Variants in MST1R observed in about 807,000 individuals in gnomAD.
MST1R encodes macrophage stimulating 1 receptor.
MST1R carries 99 observed loss-of-function variants against 117.8 expected under a neutral mutation model. The ratio of observed to expected loss-of-function variants is 0.84; its 90% CI spans 0.71 to 0.99. The LOEUF is 0.99. Among genes scored for constraint, MST1R ranks in the 50% least tolerant of loss-of-function variants. MST1R has a pLI of 0.00. For synonymous variants in MST1R, 734 were observed against 765.3 expected (o/e 0.96, Z 0.68); for missense variants, 1,683 against 1,840.2 (o/e 0.91, Z 1.56).
Position 49,895,700 on chromosome 3 carries a change from G to C in MST1R, c.2962+15C>G, listed in dbSNP as rs1435893825. 1 of 1,612,082 alleles carries C rather than the reference G, an allele frequency of 6.2e-7. No homozygotes were observed. The highest frequency in any genetic ancestry group is 1.1e-5 in the South Asian group (1 of 91,052). ...GGGGGTAGGGGCTGATTAAAGGTAG[G>C]AGCAGAGAACTCACCTAGCTGCTTC... On this transcript the variant is annotated intron_variant, in intron 12 of 19. Transcript: ENST00000296474.
intron 19 of MST1R, 32 bp downstream of exon 19, chr3:49,889,892 T>C (rs1341080280): frequency 6.2e-7 from 1 of 1,613,188 alleles, no homozygotes; most frequent in African/African-American, 1.3e-5. Context: ...TGGGGCCCAG[T>C]TCCCTCCCCA....
rs1387488096 is a variant in MST1R, at chr3:49,896,728, C to T, written c.2345+1G>A. Reference sequence around the variant, plus strand: ...AGAGTGGGCAAAGAGGCAGTGCTTACATGTAGCCACAGTTGGGGCTGATGC... The same window carrying T: ...AGAGTGGGCAAAGAGGCAGTGCTTATATGTAGCCACAGTTGGGGCTGATGC... On this transcript the variant is annotated splice_donor_variant, in intron 8 of 19. Coordinates refer to ENST00000296474, the MANE Select transcript of MST1R (RefSeq NM_002447.4). LOFTEE classifies it high-confidence loss of function. 6.3e-7 allele frequency: 1 copy of T among 1,597,126 alleles called. No individual in the cohort carries two copies. The highest frequency in any genetic ancestry group is 1.7e-5 in the Admixed American group (1 of 57,654).
chr3:49,894,466 C>G (rs1279398911), intron 14 of MST1R, among the ~76,000 whole-genome samples: 1 of 151,516 alleles, frequency 6.6e-6, no homozygotes, highest in African/African-American at 2.4e-5. Context: ...ACTCAGGAGG[C>G]TGAGGCAGGA....
At position 49,887,103 on chromosome 3, in the gene MST1R, G is replaced by T; in HGVS notation, c.*204C>A. On this transcript the variant is annotated 3_prime_UTR_variant, in exon 20 of 20. Transcript: ENST00000296474. ...GCCCAGAAGACAGGGTCCACAGCAG[G>T]CACTCCATAAATACATGTTGCAGGA... 1 of 659,756 alleles carries T rather than the reference G, an allele frequency of 1.5e-6. No individual in the cohort carries two copies. The highest frequency in any genetic ancestry group is 2.6e-6 in the Non-Finnish European group (1 of 387,912). The allele number at this position is 659,756 out of a possible 1,614,324, so 40.9% of individuals were successfully genotyped here. A position where few individuals can be genotyped will look rare whatever the true frequency, so the allele number is the denominator to read the frequency against.
At chr3:49,894,653 G>C (rs1310101305) in intron 14 of MST1R, among the ~76,000 whole-genome samples, 1 of 152,150 alleles carries the variant, frequency 6.6e-6, no homozygotes, top group African/African-American at 2.4e-5. Context: ...ATGCCTGATT[G>C]ATCCACACCA....
chr3:49,895,246 A>C lies in MST1R; in HGVS notation c.3192T>G (p.Ser1064=), dbSNP rs2082426867. 2 of 1,614,228 alleles carry C rather than the reference A, an allele frequency of 1.2e-6. No homozygotes were observed. Among genetic ancestry groups the C allele is most frequent in the Non-Finnish European group, 1.7e-6 (2 of 1,180,038 alleles). ...CATCCTTGACCTCAGCCAAGAGCGC[A>C]GAGTCCAGGTCCCTTAGCTGGATGG... ...KESIQLRDLD[S]ALLAEVKDVL... is the part of the protein sequence containing the mutation. The change falls in exon 14 of 20, where the codon TCT becomes TCG. Residue 1064 remains serine, a synonymous_variant. Transcript: ENST00000296474.
At position 49,903,335 on chromosome 3, in the gene MST1R, G is replaced by A. The variant is rs1442805303; in HGVS notation, c.275C>T (p.Ala92Val). 6.2e-7 allele frequency: 1 copy of A among 1,613,452 alleles called. No homozygotes were observed. The highest frequency in any genetic ancestry group is 8.5e-7 in the Non-Finnish European group (1 of 1,179,984). The change falls in exon 1 of 20, where the codon GCC (alanine) becomes GTC (valine). Residue 92 changes from alanine to valine, a missense_variant. Physicochemically the swap from Ala to Val is moderately conservative, Grantham distance 64 (BLOSUM62 0). Coordinates refer to ENST00000296474, the MANE Select transcript of MST1R (RefSeq NM_002447.4). ...GCCAGGGTCTCCAGCAGGGCCCGTG[G>A]CCAGGCTCTGGACAGACTTCAGGTC... Reference protein sequence around the residue: ...GPDLKSVQSLATGPAGDPGCQ... With the variant: ...GPDLKSVQSLVTGPAGDPGCQ...
intron 7 of MST1R, 48 bp downstream of exon 7, chr3:49,897,232 A>G (rs762724013): frequency 1.9e-6 from 3 of 1,553,826 alleles, no homozygotes; most frequent in Non-Finnish European, 2.6e-6. Flanking sequence ...CCGGGTCCCC[A>G]CCTGGATAGA....
intron 17 of MST1R, 38 bp downstream of exon 17, chr3:49,891,157 CCT>C (rs1338203232): frequency 1.9e-6 from 3 of 1,582,512 alleles, no homozygotes; most frequent in South Asian, 2.2e-5. Flanking sequence ...ACCCTCATGC[CCT>C]GTCCTTTTGC....
chr3:49,891,870 G>C, intron 14 of MST1R, 32 bp from the exon 15 acceptor site: 2 of 1,598,086 alleles, frequency 1.3e-6, no homozygotes, highest in South Asian at 2.2e-5. Flanking sequence ...GTCGATGAGA[G>C]GGGATCCAGG....
chr3:49,898,754 C>T (rs567183762), intron 3 of MST1R, 66 bp from the exon 4 acceptor site: 13 of 1,605,680 alleles, frequency 8.1e-6, no homozygotes, highest in African/African-American at 6.7e-5. Flanking sequence ...TAGACCCTCC[C>T]GGTACACAGT....
rs752477020 is a variant in MST1R at position 49,902,894 on chromosome 3, G to T, written c.716C>A (p.Pro239His). ...APGFVALSVL[P>H]KHLVSYSIEY... The stretch of plus-strand genomic sequence containing the variant: ...AATACTGTAGGAGACAAGATGCTTG[G>T]GCAGCACTGACAACGCCACAAAGCC... The change falls in exon 1 of 20, where the codon CCC (proline) becomes CAC (histidine). Residue 239 changes from proline to histidine, a missense_variant. Pro to His is a moderately conservative substitution (Grantham distance 77). Transcript: ENST00000296474. 9.9e-6 allele frequency: 16 copies of T among 1,613,422 alleles called. No homozygotes were observed. In the Admixed American group the frequency reaches 2.7e-4, roughly 27 times the overall value.
rs1262362696 is a variant in MST1R at position 49,890,479 on chromosome 3, C to G, written c.3810+6G>C. 2 of 1,609,550 alleles carry G rather than the reference C, an allele frequency of 1.2e-6. No homozygotes were observed. Among genetic ancestry groups the G allele is most frequent in the South Asian group, 2.2e-5 (2 of 90,636 alleles). ...CATGTGGACTGTAGGGCAGGTGGGG[C>G]CTCACCACATCAGACTTGGTGGTAA... On this transcript the variant is annotated splice_donor_region_variant and intron_variant, in intron 18 of 19. Transcript: ENST00000296474.
Position 49,898,213 on chromosome 3 carries a change from T to G in MST1R, c.1720-2A>C, listed in dbSNP as rs150563388. On this transcript the variant is annotated splice_acceptor_variant, in intron 4 of 19. Transcript: ENST00000296474. LOFTEE classifies it high-confidence loss of function. ...TAGAGGTCCACTGTGGGGGTGGAAC[T>G]GAAATGGGGGAAACAGCCTGAGTCC... 41 of 1,613,418 alleles carry G rather than the reference T, an allele frequency of 2.5e-5. No individual in the cohort carries two copies. The highest frequency in any genetic ancestry group is 2.4e-4 in the African/African-American group (18 of 74,896).
chr3:49,894,222 A>T (rs896959424), intron 14 of MST1R, among the ~76,000 whole-genome samples: 1 of 150,666 alleles, frequency 6.6e-6, no homozygotes, highest in Non-Finnish European at 1.5e-5. Context: ...TCTCAAAAAA[A>T]ATAATAATAA....
Position 49,887,571 on chromosome 3 carries a change from G to T in MST1R, c.3948-9C>A. 6.2e-7 allele frequency: 1 copy of T among 1,612,876 alleles called. No individual in the cohort carries two copies. The highest frequency in any genetic ancestry group is 1.1e-5 in the South Asian group (1 of 90,944). On this transcript the variant is annotated splice_polypyrimidine_tract_variant and intron_variant, in intron 19 of 19. Transcript: ENST00000296474. ...GCTGCATCACTTGGTACCTGTTGGGGGAAAGGGATGTCAGGTTAAGGCAAT... is the reference window on the plus strand; with the variant it reads ...GCTGCATCACTTGGTACCTGTTGGGTGAAAGGGATGTCAGGTTAAGGCAAT...
At chr3:49,898,410 T>C (rs1430254113) in intron 4 of MST1R, 108 bp downstream of exon 4, 7 of 1,448,502 alleles carry the variant, frequency 4.8e-6, no homozygotes, top group Non-Finnish European at 6.6e-6. Context: ...CTTGTAGATA[T>C]GAAGGACACC....
rs1161815183 is a variant in MST1R, at chr3:49,898,578, G to T, written c.1659C>A (p.Gly553=). The T allele has an allele frequency of 6.2e-7, 1 of 1,613,960 alleles. No homozygotes were observed. Among genetic ancestry groups the T allele is most frequent in the Non-Finnish European group, 8.5e-7 (1 of 1,180,050 alleles). Residue 553 remains glycine, a synonymous_variant, in exon 4 of 20, where the codon GGC becomes GGA. Transcript: ENST00000296474. The stretch of plus-strand genomic sequence containing the variant: ...AGGAGCCAGGACACTCCTTCTGCTG[G>T]CCGCACATGTTCCCACACCAGCCAC... The part of the protein sequence containing the change: ...MGCGWCGNMC[G]QQKECPGSWQ...
Position 49,896,048 on chromosome 3 carries a change from C to T in MST1R, c.2709G>A (p.Glu903=). 6.2e-7 allele frequency: 1 copy of T among 1,610,222 alleles called. No individual in the cohort carries two copies. Among genetic ancestry groups the T allele is most frequent in the East Asian group, 2.2e-5 (1 of 44,818 alleles). ...CCCCCCGGAACTCGTGCTGGCAGCTCTCACCACCCACGGTCACGTTGATAC... is the reference window on the plus strand; with the variant it reads ...CCCCCCGGAACTCGTGCTGGCAGCTTTCACCACCCACGGTCACGTTGATAC... ...CVGINVTVGG[E]SCQHEFRGDM... The change falls in exon 11 of 20, where the codon GAG becomes GAA. Residue 903 remains glutamate (E), a synonymous_variant. Coordinates refer to ENST00000296474, the MANE Select transcript of MST1R (RefSeq NM_002447.4).
Sources: gnomAD v4.1 joint callset for allele counts (sites outside exome capture counted in the v4.1 genomes callset) on GRCh38, gnomAD v4.1.1 for gene constraint, MANE v1.5 for transcripts, NCBI Gene and HGNC (gene_info 2026-07-23, HGNC 2026-07-21) for gene names.